ARPC1B: variants seen among roughly 807,000 people sequenced by gnomAD.
The protein encoded by ARPC1B is actin-related protein 2/3 complex subunit 1B.
In ARPC1B, 29 loss-of-function variants were observed where a neutral mutation model predicts 46.0. The observed-to-expected ratio is 0.63, with a 90% confidence interval of 0.47 to 0.86. ARPC1B has a LOEUF of 0.86. Ranked by LOEUF, ARPC1B falls within the 40% of genes least tolerant of loss-of-function variation. The pLI is 0.00. For missense variants in ARPC1B, 469 were observed against 529.4 expected (o/e 0.89, Z 1.12); for synonymous variants, 201 against 213.9 (o/e 0.94, Z 0.53).
At chr7:99,374,561 G>A (rs893236197), upstream of ARPC1B, 1 of 152,132 alleles carries the variant, frequency 6.6e-6, no homozygotes, top group Non-Finnish European at 1.5e-5. This position sits in a 1 kb window ranked among gnomAD's most constrained non-coding sequence, Gnocchi z 5.0. Flanking sequence ...AGAGCCTTGG[G>A]CTCCGACGTC....
At chr7:99,383,279 A>G (rs1794283525) in intron 1 of ARPC1B, among the ~76,000 whole-genome samples, 1 of 152,040 alleles carries the variant, frequency 6.6e-6, no homozygotes. Flanking sequence ...GTGAGCTGTG[A>G]TCACACCACT....
At chr7:99,394,281 C>A in intron 9 of ARPC1B, 162 bp downstream of exon 9, 1 of 1,034,462 alleles carries the variant, frequency 9.7e-7, no homozygotes, top group Non-Finnish European at 1.5e-6. Flanking sequence ...CCTTGGTGCT[C>A]ACTGGGGCAC....
At chr7:99,394,348 CT>C in intron 9 of ARPC1B, 102 bp from the exon 10 acceptor site, 2 of 1,176,088 alleles carry the variant, frequency 1.7e-6, no homozygotes, top group South Asian at 2.5e-5. Context: ...TGCAGGTTCT[CT>C]GCCCTCTGCT....
chr7:99,382,842 C>CTT lies in ARPC1B; in HGVS notation c.-13-2841_-13-2840dup, dbSNP rs756346040. Among the ~76,000 whole-genome samples, 405 of 119,226 alleles carry CTT rather than the reference C, an allele frequency of 3.4e-3. 12 individuals carry two copies. Among genetic ancestry groups the CTT allele is most frequent in the African/African-American group, 5.8e-3 (158 of 27,466 alleles). 78.2% of individuals were successfully genotyped at this position (119,226 alleles called of 152,430 possible). A position where few individuals can be genotyped will look rare whatever the true frequency, so the allele number is the denominator to read the frequency against. On this transcript the variant is annotated intron_variant, in intron 1 of 9. Transcript: ENST00000646101. ...TTTTTCACACACATTCATTCCTAAC[C>CTT]TTTTTTTTTTTTTTTTTTTTGAGAC...
intron 4 of ARPC1B, chr7:99,388,791 C>CA (rs1415217109): frequency 2.0e-5 from 3 of 153,538 alleles, no homozygotes; most frequent in East Asian, 1.9e-4. Context: ...TGCTACCATG[C>CA]CCGGATAATT....
At position 99,394,300 on chromosome 7, in the gene ARPC1B, A is replaced by T; in HGVS notation, c.1081-151A>T. The T allele has an allele frequency of 2.9e-6, 3 of 1,047,698 alleles. No homozygotes were observed. In the South Asian group the frequency reaches 4.1e-5, roughly 14 times the overall value. 64.9% of individuals were successfully genotyped at this position (1,047,698 alleles called of 1,614,324 possible). ...GGTGCTCACTGGGGCACCCGTCTTC[A>T]GGGCCGGGATTCCAACCCAGCTGAC... On this transcript the variant is annotated intron_variant, in intron 9 of 9. Coordinates refer to ENST00000646101, the MANE Select transcript of ARPC1B (RefSeq NM_005720.4).
rs559928144 is a variant in ARPC1B at position 99,381,391 on chromosome 7, A to C, written c.-13-4311A>C. Among the ~76,000 whole-genome samples the C allele has an allele frequency of 2.0e-5, 3 of 152,090 alleles. No homozygotes were observed. In the South Asian group the frequency reaches 6.2e-4, roughly 32 times the overall value. ...GTGTGCAAGGCTAAACATGTGCTTA[A>C]AGTGTGGGGAGGTGCAGTGTGCATG... is the stretch of plus-strand genomic sequence containing the variant. On this transcript the variant is annotated intron_variant, in intron 1 of 9. Coordinates refer to ENST00000646101, the MANE Select transcript of ARPC1B (RefSeq NM_005720.4).
chr7:99,386,827 G>C, intron 3 of ARPC1B, 38 bp downstream of exon 3: 3 of 1,539,846 alleles, frequency 1.9e-6, no homozygotes, highest in Non-Finnish European at 2.7e-6. Flanking sequence ...CCTGAAAGGA[G>C]GTGGTGGGTT....
At chr7:99,388,614 A>C (rs894149921) in intron 4 of ARPC1B, 2 of 195,064 alleles carry the variant, frequency 1.0e-5, no homozygotes, top group South Asian at 1.3e-4. Context: ...GGCACCACTC[A>C]CGAGCTCGCA....
At position 99,386,521 on chromosome 7, in the gene ARPC1B, G is replaced by A. The variant is rs907592485; in HGVS notation, c.65-164G>A. 5 of 729,566 alleles carry A rather than the reference G, an allele frequency of 6.9e-6. No homozygotes were observed. The Admixed American group carries it at 9.4e-5, about 14-fold the overall frequency. The allele number at this position is 729,566 out of a possible 1,614,324, so 45.2% of individuals were successfully genotyped here. On this transcript the variant is annotated intron_variant, in intron 2 of 9. Coordinates refer to ENST00000646101, the MANE Select transcript of ARPC1B (RefSeq NM_005720.4). ...AGCCAGTTCCAGGAGAAGACAGGGT[G>A]GCCTAGCAGGGCCTGAAGGACTTCA... is the stretch of plus-strand genomic sequence containing the variant.
rs1793981942 is a variant in ARPC1B at position 99,374,769 on chromosome 7, C to CGGGGCGCGGGAGGTGAGGGCCGTG, written c.-18_-14+19dup. The CGGGGCGCGGGAGGTGAGGGCCGTG allele has an allele frequency of 6.6e-6, 1 of 152,000 alleles. No individual in the cohort carries two copies. The allele number at this position is 152,000 out of a possible 1,614,324, so 9.4% of individuals were successfully genotyped here. A position where few individuals can be genotyped will look rare whatever the true frequency, so the allele number is the denominator to read the frequency against. On this transcript the variant is annotated 5_prime_UTR_variant, in exon 1 of 10. Transcript: ENST00000646101. The surrounding 1 kb of genome is among the most constrained non-coding windows in gnomAD (Gnocchi z 5.0). ...GCGTCGACTGCCCAGAGTCCGCGGC[C>CGGGGCGCGGGAGGTGAGGGCCGTG]GGGGCGCGGGAGGTGAGGGCCGTGG...
intron 1 of ARPC1B, among the ~76,000 whole-genome samples, chr7:99,379,043 C>T (rs1423468820): frequency 1.3e-5 from 2 of 152,116 alleles, no homozygotes; most frequent in African/African-American, 2.4e-5. Context: ...TCCCAAAGTG[C>T]TGGGAGTATA....
At chr7:99,393,643 C>T (rs1794657421) in intron 8 of ARPC1B, among the ~76,000 whole-genome samples, 1 of 152,116 alleles carries the variant, frequency 6.6e-6, no homozygotes. Flanking sequence ...CTGGCCAAGC[C>T]CTTCGGTCTG....
Position 99,389,792 on chromosome 7 carries a change from T to C in ARPC1B, c.393-113T>C. The C allele has an allele frequency of 4.4e-6, 4 of 916,370 alleles. No individual in the cohort carries two copies. The Admixed American group carries it at 7.7e-5, about 18-fold the overall frequency. The allele number at this position is 916,370 out of a possible 1,614,324, so 56.8% of individuals were successfully genotyped here. ...TGGCAATGCCCAGTCGCCTCTCTCC[T>C]GGGTCTTTGGTGGGCTGCAGGGAGC... On this transcript the variant is annotated intron_variant, in intron 4 of 9. Transcript: ENST00000646101.
In ARPC1B at chr7:99,392,828, G is replaced by T; in HGVS notation, c.941G>T (p.Gly314Val). 6.5e-7 allele frequency: 1 copy of T among 1,550,138 alleles called. No individual in the cohort carries two copies. The highest frequency in any genetic ancestry group is 1.2e-5 in the South Asian group (1 of 84,080). Reference protein sequence around the residue: ...NLDKKASSEGGTAAGAGLDSL... With the variant: ...NLDKKASSEGVTAAGAGLDSL... ...GACAAGAAGGCGAGCTCCGAGGGTG[G>T]CACGGCTGCGGGCGCGGGCCTAGAC... The change falls in exon 8 of 10, where the codon GGC (glycine) becomes GTC (valine). Residue 314 changes from glycine (G) to valine (V), a missense_variant. Coordinates refer to ENST00000646101, the MANE Select transcript of ARPC1B (RefSeq NM_005720.4).
At chr7:99,378,891 C>G (rs941657784) in intron 1 of ARPC1B, among the ~76,000 whole-genome samples, 1 of 144,984 alleles carries the variant, frequency 6.9e-6, no homozygotes, top group Non-Finnish European at 1.5e-5. Context: ...ATTCTCTTGC[C>G]TCAGCCTCCC....
At chr7:99,384,561 C>T (rs1416204752) in intron 1 of ARPC1B, among the ~76,000 whole-genome samples, 1 of 152,226 alleles carries the variant, frequency 6.6e-6, no homozygotes, top group African/African-American at 2.4e-5. Flanking sequence ...AAACAAAAAT[C>T]TCCCTCCTTC....
intron 1 of ARPC1B, among the ~76,000 whole-genome samples, chr7:99,381,675 G>A (rs569564870): frequency 1.5e-4 from 23 of 152,340 alleles, no homozygotes; most frequent in African/African-American, 5.1e-4. Flanking sequence ...GAAAGCAAGC[G>A]GTTTGGATCT....
chr7:99,388,369 T>TG lies in ARPC1B; in HGVS notation c.392+113dup. 9.2e-6 allele frequency: 10 copies of TG among 1,091,180 alleles called. No individual in the cohort carries two copies. The South Asian group carries it at 1.3e-4, about 15-fold the overall frequency. The allele number at this position is 1,091,180 out of a possible 1,614,324, so 67.6% of individuals were successfully genotyped here. On this transcript the variant is annotated intron_variant, in intron 4 of 9. Coordinates refer to ENST00000646101, the MANE Select transcript of ARPC1B (RefSeq NM_005720.4). ...GTCAGGACCCCTGTTCCCATCACCC[T>TG]GGGGGAGTCCATCCTCTCCTCTCTG...
Sources: allele counts gnomAD v4.1 joint callset (sites outside exome capture counted in the v4.1 genomes callset), GRCh38; gene constraint gnomAD v4.1.1; non-coding constraint Gnocchi (gnomAD v3.1); transcripts MANE v1.5; gene names NCBI Gene and HGNC (gene_info 2026-07-23, HGNC 2026-07-21).